Variants in ANO4 observed in about 807,000 individuals in gnomAD.
ANO4 encodes the protein anoctamin 4.
In ANO4, 69 loss-of-function variants were observed where a neutral mutation model predicts 141.9. The ratio of observed to expected loss-of-function variants is 0.49; its 90% CI spans 0.40 to 0.59. The LOEUF is 0.59. Among genes scored for constraint, ANO4 ranks in the 20% least tolerant of loss-of-function variants. The pLI, the probability that ANO4 is intolerant of heterozygous loss-of-function variation, is 0.00. For synonymous variants in ANO4, 350 were observed against 394.3 expected (o/e 0.89, Z 1.33); for missense variants, 894 against 1,162.2 (o/e 0.77, Z 3.36).
At position 100,744,847 on chromosome 12, in the gene ANO4, C is replaced by T. The variant is rs1383531515; in HGVS notation, c.358+4742C>T. Among the ~76,000 whole-genome samples the T allele has an allele frequency of 2.0e-5, 3 of 152,162 alleles. No individual in the cohort carries two copies. In the East Asian group the frequency reaches 5.8e-4, roughly 29 times the overall value. ...TGCTAGCAGTCTTGTTACAAGTCTT[C>T]CTGAATCTTAATTCTTCCATGACCA... On this transcript the variant is annotated intron_variant, in intron 3 of 29. Transcript: ENST00000644049.
At chr12:100,976,637 T>C (rs1323589068) in intron 7 of ANO4, among the ~76,000 whole-genome samples, 1 of 152,220 alleles carries the variant, frequency 6.6e-6, no homozygotes, top group Non-Finnish European at 1.5e-5. Flanking sequence ...TTCTAATGGA[T>C]TCCCAGCTGC....
At chr12:100,847,003 G>A (rs1315056067) in intron 1 of ANO4, among the ~76,000 whole-genome samples, 3 of 151,958 alleles carry the variant, frequency 2.0e-5, no homozygotes, top group Non-Finnish European at 4.4e-5. Flanking sequence ...ATCTTCAGGG[G>A]AAGCTCTGCA....
At chr12:101,081,224 C>T (rs1459313820) in intron 15 of ANO4, among the ~76,000 whole-genome samples, 1 of 151,904 alleles carries the variant, frequency 6.6e-6, no homozygotes. Flanking sequence ...CTGGGAATCA[C>T]CTTGGGCAAT....
At chr12:101,064,339 G>A (rs1412678699) in intron 14 of ANO4, among the ~76,000 whole-genome samples, 1 of 152,154 alleles carries the variant, frequency 6.6e-6, no homozygotes, top group African/African-American at 2.4e-5. Context: ...CTTGCTGTTA[G>A]TTTCTAACTT....
At chr12:100,727,368 A>G (rs1357587893) in intron 1 of ANO4, among the ~76,000 whole-genome samples, 1 of 152,148 alleles carries the variant, frequency 6.6e-6, no homozygotes, top group African/African-American at 2.4e-5. Context: ...TAGATTTAAC[A>G]TTTGTTTATA....
At chr12:101,067,557 C>T (rs2048643126) in intron 14 of ANO4, among the ~76,000 whole-genome samples, 1 of 152,194 alleles carries the variant, frequency 6.6e-6, no homozygotes, top group Admixed American at 6.5e-5. Context: ...GTGGCACATA[C>T]CTGTAGTCCC....
At chr12:101,107,139 G>T (rs1234038685) in intron 22 of ANO4, among the ~76,000 whole-genome samples, 1 of 152,036 alleles carries the variant, frequency 6.6e-6, no homozygotes, top group Admixed American at 6.6e-5. Flanking sequence ...TGCTTTTTCT[G>T]TCCATAACAT....
intron 6 of ANO4, among the ~76,000 whole-genome samples, chr12:100,973,028 A>G (rs1224579831): frequency 6.6e-6 from 1 of 152,260 alleles, no homozygotes; most frequent in Non-Finnish European, 1.5e-5. Flanking sequence ...CATTGAGAGA[A>G]TGTGAACCAA....
chr12:100,783,143 C>T (rs761679456), intron 3 of ANO4, among the ~76,000 whole-genome samples: 7 of 152,030 alleles, frequency 4.6e-5, no homozygotes, highest in East Asian at 3.9e-4. Context: ...TTTGCACCTA[C>T]GGTACAATGA....
At chr12:101,014,414 C>T (rs1006016474) in intron 8 of ANO4, among the ~76,000 whole-genome samples, 1 of 152,128 alleles carries the variant, frequency 6.6e-6, no homozygotes, top group African/African-American at 2.4e-5. Context: ...GCATAAAGGT[C>T]GAGCCTAGAG....
In ANO4 at chr12:100,853,962, A is replaced by G. The variant is rs147910924; in HGVS notation, c.-140-47684A>G. Among the ~76,000 whole-genome samples, 211 of 152,270 alleles carry G rather than the reference A, an allele frequency of 1.4e-3. 2 individuals carry two copies. Among genetic ancestry groups the G allele is most frequent in the African/African-American group, 4.9e-3 (203 of 41,578 alleles). ...CCAGTCAGTAGTTCTAGGTAGACTT[A>G]CCAACATGACAACCAGTTTATTTAT... On this transcript the variant is annotated intron_variant, in intron 1 of 27. Transcript: ENST00000392977.
At chr12:100,761,342 G>T (rs2032849518) in intron 3 of ANO4, among the ~76,000 whole-genome samples, 1 of 152,170 alleles carries the variant, frequency 6.6e-6, no homozygotes. Flanking sequence ...TTGCTAGGAA[G>T]ACTCACAAGG....
At chr12:100,974,581 T>C (rs1449265665) in intron 6 of ANO4, among the ~76,000 whole-genome samples, 1 of 152,110 alleles carries the variant, frequency 6.6e-6, no homozygotes, top group Non-Finnish European at 1.5e-5. Context: ...ACATGCTTTG[T>C]AGGCAAGGAG....
At chr12:100,895,801 A>T (rs2040321503) in intron 1 of ANO4, among the ~76,000 whole-genome samples, 2 of 151,968 alleles carry the variant, frequency 1.3e-5, no homozygotes, top group Admixed American at 6.6e-5. Flanking sequence ...ACCTCAGATG[A>T]TCCACCCGCC....
intron 7 of ANO4, among the ~76,000 whole-genome samples, chr12:100,975,276 T>C (rs1388767657): frequency 2.0e-5 from 3 of 151,986 alleles, no homozygotes; most frequent in Admixed American, 6.6e-5. Context: ...CTGAGCAATG[T>C]ATACTGTACC....
At chr12:100,897,712 G>C (rs2653448) in intron 1 of ANO4, among the ~76,000 whole-genome samples, 97,343 of 152,066 alleles carry the variant, frequency 0.64, 31,445 homozygotes, top group East Asian at 0.82. Context: ...GAGTGGGTCA[G>C]AGGAACTGAA....
intron 8 of ANO4, among the ~76,000 whole-genome samples, chr12:100,993,289 C>T (rs540068000): frequency 1.3e-5 from 2 of 152,274 alleles, no homozygotes; most frequent in South Asian, 4.1e-4. Flanking sequence ...TACAAGTCAA[C>T]ATACAAATGC....
intron 12 of ANO4, among the ~76,000 whole-genome samples, chr12:101,043,240 C>T (rs1593106587): frequency 6.6e-6 from 1 of 152,114 alleles, no homozygotes; most frequent in South Asian, 2.1e-4. Context: ...TTGCTTCAGA[C>T]CTTTGAAAAG....
chr12:101,079,160 A>G, intron 14 of ANO4, 33 bp from the exon 15 acceptor site: 2 of 1,595,062 alleles, frequency 1.3e-6, no homozygotes, highest in Non-Finnish European at 1.7e-6. Context: ...ACTTTTATTC[A>G]AAAATGTCTT....
Sources: allele counts gnomAD v4.1 joint callset (sites outside exome capture counted in the v4.1 genomes callset), GRCh38; gene constraint gnomAD v4.1.1; transcripts MANE v1.5; gene names NCBI Gene and HGNC (gene_info 2026-07-23, HGNC 2026-07-21).